Variants in ANK3 observed in about 807,000 individuals in gnomAD.
ANK3 encodes the protein ankyrin-3.
ANK3 carries 57 observed loss-of-function variants against 370.9 expected under a neutral mutation model. That is an observed-to-expected ratio of 0.15 (90% CI 0.12 to 0.19). The LOEUF is 0.19. ANK3 is among the 10% of genes least tolerant of loss of function. The pLI, the probability that ANK3 is intolerant of heterozygous loss-of-function variation, is 1.00. For synonymous variants in ANK3, 1,929 were observed against 1,946.3 expected (o/e 0.99, Z 0.23); for missense variants, 4,439 against 5,302.1 (o/e 0.84, Z 5.06).
chr10:60,357,395 T>C (rs2057929610), intron 1 of ANK3, among the ~76,000 whole-genome samples: 1 of 152,160 alleles, frequency 6.6e-6, no homozygotes, highest in Non-Finnish European at 1.5e-5. Flanking sequence ...CGCCTATCCA[T>C]CACCTCCCTC....
rs2082144344 is a variant in ANK3, at chr10:60,068,934, T to C, written c.11947A>G (p.Lys3983Glu). The change falls in exon 37 of 44, where the codon AAA (lysine) becomes GAA (glutamate). Residue 3983 changes from lysine (K) to glutamate (E), a missense_variant. Lys to Glu is a moderately conservative substitution (Grantham distance 56, BLOSUM62 1). Coordinates refer to ENST00000280772, the MANE Select transcript of ANK3 (RefSeq NM_020987.5). Reference sequence around the variant, plus strand: ...TCCTTGAGCTGACTTTTCCTAACTTTAACTGTGCAGCTGGTGGTGGTGGTA... The same window carrying C: ...TCCTTGAGCTGACTTTTCCTAACTTCAACTGTGCAGCTGGTGGTGGTGGTA... ...TTTTTTSCTV[K>E]VRKSQLKEVC... The C allele has an allele frequency of 1.2e-6, 2 of 1,614,014 alleles. No homozygotes were observed. Among genetic ancestry groups the C allele is most frequent in the African/African-American group, 1.3e-5 (1 of 74,930 alleles).
chr10:60,283,428 G>A (rs539311477), intron 1 of ANK3, among the ~76,000 whole-genome samples: 2 of 152,118 alleles, frequency 1.3e-5, no homozygotes, highest in South Asian at 2.1e-4. Context: ...TTACTATGGA[G>A]GAAATTAGGT....
intron 25 of ANK3, among the ~76,000 whole-genome samples, chr10:60,123,530 C>A (rs898295460): frequency 1.3e-5 from 2 of 152,106 alleles, no homozygotes; most frequent in African/African-American, 4.8e-5. Context: ...AGGAGAAATC[C>A]AATTAACTCC....
intron 1 of ANK3, among the ~76,000 whole-genome samples, chr10:60,663,652 A>C (rs1477856032): frequency 6.6e-6 from 1 of 152,200 alleles, no homozygotes; most frequent in East Asian, 1.9e-4. Flanking sequence ...TACCTTCATG[A>C]TGGTGTTAAA....
chr10:60,075,992 G>A lies in ANK3; in HGVS notation c.4889C>T (p.Ala1630Val), dbSNP rs141587421. 9.2e-5 allele frequency: 148 copies of A among 1,614,172 alleles called. No homozygotes were observed. The African/African-American group carries it at 1.4e-3, about 15-fold the overall frequency. The change falls in exon 37 of 44, where the codon GCA becomes GTA. Residue 1630 changes from alanine (A) to valine (V), a missense_variant. By Grantham distance (64) the Ala-to-Val change is moderately conservative. This residue lies in a region of ANK3 where 679 missense variants were observed against 791.0 expected (regional missense o/e 0.86). Coordinates refer to ENST00000280772, the MANE Select transcript of ANK3 (RefSeq NM_020987.5). ...FSSRTSPVTT[A>V]GSLLERSSIT... ...TGATGACCTCTCCAAAAGAGACCCT[G>A]CTGTAGTCACTGGAGAGGTTCGAGA...
Position 60,057,486 on chromosome 10 carries a change from C to T in ANK3, c.12687-1450G>A, listed in dbSNP as rs534768703. 3.3e-5 allele frequency among the ~76,000 whole-genome samples: 5 copies of T among 152,248 alleles called. No homozygotes were observed. The South Asian group carries it at 1.0e-3, about 32-fold the overall frequency. ...TCTGAACATACTTATTTTTAAAAGA[C>T]ATCCATAGCACACTCTATTCTTTAT... On this transcript the variant is annotated intron_variant, in intron 41 of 43. Transcript: ENST00000280772.
chr10:60,363,606 G>A (rs541471290), intron 1 of ANK3, among the ~76,000 whole-genome samples: 41 of 152,320 alleles, frequency 2.7e-4, no homozygotes, highest in Middle Eastern at 3.4e-3. Context: ...ACACTTCTCC[G>A]ACTGTGATGG....
chr10:60,488,206 G>A (rs897908255), intron 2 of ANK3, among the ~76,000 whole-genome samples: 6 of 152,054 alleles, frequency 3.9e-5, no homozygotes, highest in Admixed American at 2.0e-4. Context: ...TTGCATGTCA[G>A]CCAATTAAAA....
intron 1 of ANK3, among the ~76,000 whole-genome samples, chr10:60,622,252 T>TC (rs2078347391): frequency 2.7e-5 from 2 of 74,020 alleles, no homozygotes. Flanking sequence ...GGCCTGAGGC[T>TC]TTTTTTTTTT....
chr10:60,654,652 G>A (rs1200442825), intron 1 of ANK3, among the ~76,000 whole-genome samples: 6 of 152,076 alleles, frequency 3.9e-5, no homozygotes, highest in Non-Finnish European at 8.8e-5. Context: ...GTCATGACAT[G>A]TTATCCTTTA....
At chr10:60,716,147 G>T (rs7088798) in intron 1 of ANK3, among the ~76,000 whole-genome samples, 102,139 of 151,744 alleles carry the variant, frequency 0.67, 34,462 homozygotes, top group South Asian at 0.81. Flanking sequence ...TAATACTATC[G>T]CTCATAAAAA....
intron 1 of ANK3, among the ~76,000 whole-genome samples, chr10:60,385,843 C>T (rs1014538791): frequency 5.3e-5 from 8 of 152,074 alleles, no homozygotes. Flanking sequence ...TATATACAAG[C>T]ATGTATTCAT....
intron 2 of ANK3, among the ~76,000 whole-genome samples, chr10:60,582,470 T>A (rs2077768250): frequency 6.6e-6 from 1 of 151,878 alleles, no homozygotes; most frequent in South Asian, 2.1e-4. Context: ...ACATTCCCAA[T>A]CCAGTTTGAC....
intron 2 of ANK3, among the ~76,000 whole-genome samples, chr10:60,420,542 A>T (rs2063757098): frequency 6.6e-6 from 1 of 152,090 alleles, no homozygotes; most frequent in Admixed American, 6.6e-5. Context: ...ATGCAATGAG[A>T]TCCCACCCAG....
chr10:60,550,204 A>G (rs2077058795), intron 2 of ANK3, among the ~76,000 whole-genome samples: 1 of 151,780 alleles, frequency 6.6e-6, no homozygotes, highest in Non-Finnish European at 1.5e-5. Context: ...ATAAGTATAT[A>G]TTTTAATATA....
chr10:60,435,865 C>T (rs953215539), intron 2 of ANK3, among the ~76,000 whole-genome samples: 23 of 152,206 alleles, frequency 1.5e-4, no homozygotes, highest in African/African-American at 5.3e-4. Context: ...TTTGGGAGGC[C>T]GAGGCGGGCG....
intron 8 of ANK3, among the ~76,000 whole-genome samples, chr10:60,226,479 C>CA (rs1161235339): frequency 1.5e-3 from 117 of 79,168 alleles, no homozygotes; most frequent in African/African-American, 0.01. Context: ...AGTATATATA[C>CA]TATATATATA....
At chr10:60,043,258 G>GC (rs1473955207) in intron 42 of ANK3, 1 of 985,368 alleles carries the variant, frequency 1.0e-6, no homozygotes, top group East Asian at 1.1e-4. Flanking sequence ...TCTTCACTGA[G>GC]CATCAGGAAT....
chr10:60,458,193 T>A (rs1198534170), intron 2 of ANK3, among the ~76,000 whole-genome samples: 1 of 152,104 alleles, frequency 6.6e-6, no homozygotes, highest in South Asian at 2.1e-4. Context: ...CAAGTACAGA[T>A]GGAAGTTACT....
Sources: gnomAD v4.1 joint callset for allele counts (sites outside exome capture counted in the v4.1 genomes callset) on GRCh38, gnomAD v4.1.1 for gene constraint, gnomAD v4.1.1 regional missense constraint, MANE v1.5 for transcripts, NCBI Gene and HGNC (gene_info 2026-07-23, HGNC 2026-07-21) for gene names.